The following ZDHHC21 variants were observed in gnomAD, a reference collection of about 807,000 sequenced individuals.
ZDHHC21 encodes the protein palmitoyltransferase ZDHHC21.
ZDHHC21 carries 15 observed loss-of-function variants against 34.6 expected under a neutral mutation model. The observed-to-expected ratio is 0.43, with a 90% CI of 0.29 to 0.67. The LOEUF (loss-of-function observed/expected upper bound fraction) is 0.67. Ranked by LOEUF, ZDHHC21 falls within the 30% of genes least tolerant of loss-of-function variation. The pLI is 0.14. For missense variants in ZDHHC21, 344 were observed against 327.7 expected, an observed-to-expected ratio of 1.05 and a Z score of -0.38; for synonymous variants, 142 against 101.8, an observed-to-expected ratio of 1.40 and a Z score of -2.38.
rs985123360 is a variant in ZDHHC21, at chr9:14,617,567, T to A, written c.*1399A>T. 3.9e-5 allele frequency: 6 copies of A among 152,010 alleles called. No individual in the cohort carries two copies. The highest frequency in any genetic ancestry group is 7.4e-5 in the Non-Finnish European group (5 of 67,928). 9.4% of individuals were successfully genotyped at this position (152,010 alleles called of 1,614,324 possible). A position where few individuals can be genotyped will look rare whatever the true frequency, so the allele number is the denominator to read the frequency against. On this transcript the variant is annotated 3_prime_UTR_variant, in exon 10 of 10. Transcript: ENST00000380916. ...TTATGAACAGTAGACTTTTTCAATC[T>A]TCTCTTCAAGGGAAAGACTGTGAGT...
At chr9:14,687,133 T>C (rs1049915415) in intron 2 of ZDHHC21, among the ~76,000 whole-genome samples, 1 of 150,676 alleles carries the variant, frequency 6.6e-6, no homozygotes, top group African/African-American at 2.5e-5. Context: ...GACTTGAGAG[T>C]GGCTTCCTAA....
chr9:14,662,181 C>T, intron 6 of ZDHHC21, 34 bp downstream of exon 6: 1 of 1,462,290 alleles, frequency 6.8e-7, no homozygotes, highest in South Asian at 1.3e-5. Context: ...ATTACCCACC[C>T]CTCTTTTCTT....
Position 14,615,025 on chromosome 9 carries a change from A to G in ZDHHC21, c.*3941T>C, listed in dbSNP as rs1480525923. On this transcript the variant is annotated 3_prime_UTR_variant, in exon 10 of 10. Transcript: ENST00000380916. ...GAGAAAAGTCCAGAGAGAGACTAGC[A>G]GCTCTATTAATTAGTATTAATGGCA... 1 of 151,712 alleles carries G rather than the reference A, an allele frequency of 6.6e-6. No homozygotes were observed. The highest frequency in any genetic ancestry group is 1.5e-5 in the Non-Finnish European group (1 of 67,724). The allele number at this position is 151,712 out of a possible 1,614,324, so 9.4% of individuals were successfully genotyped here.
At chr9:14,622,494 G>A in intron 8 of ZDHHC21, 5 of 974,766 alleles carry the variant, frequency 5.1e-6, no homozygotes, top group Non-Finnish European at 6.1e-6. Flanking sequence ...CAGGGGGGTG[G>A]GATAAAGAGC....
chr9:14,605,320 T>G, the ZDHHC21 span, among the ~76,000 whole-genome samples: 1 of 152,018 alleles, frequency 6.6e-6, no homozygotes, highest in Non-Finnish European at 1.5e-5. Context: ...ACACCCCTAG[T>G]AACAGTACAT....
At chr9:14,591,472 T>C in the ZDHHC21 span, among the ~76,000 whole-genome samples, 3 of 152,166 alleles carry the variant, frequency 2.0e-5, no homozygotes, top group Non-Finnish European at 4.4e-5. Flanking sequence ...TTCAGAACTA[T>C]AAATACATTT....
At chr9:14,676,000 G>A (rs1286737655) in intron 3 of ZDHHC21, among the ~76,000 whole-genome samples, 1 of 151,938 alleles carries the variant, frequency 6.6e-6, no homozygotes, top group Non-Finnish European at 1.5e-5. Context: ...AGAAATATGG[G>A]CCTATATCAT....
intron 8 of ZDHHC21, among the ~76,000 whole-genome samples, chr9:14,639,024 A>C (rs1356056765): frequency 6.6e-6 from 1 of 152,122 alleles, no homozygotes; most frequent in African/African-American, 2.4e-5. Flanking sequence ...AAGGAAAAAA[A>C]ACAATCAGTA....
chr9:14,674,488 T>C (rs1037997160), intron 3 of ZDHHC21, 103 bp from the exon 4 acceptor site: 6 of 614,144 alleles, frequency 9.8e-6, no homozygotes, highest in Non-Finnish European at 1.6e-5. Context: ...TTTCTTTGCA[T>C]ATTTGACATT....
the ZDHHC21 span, chr9:14,594,176 G>A: frequency 6.6e-6 from 1 of 152,142 alleles, no homozygotes; most frequent in African/African-American, 2.4e-5. Context: ...ACTATGACCT[G>A]GTCACGGTGC....
At chr9:14,596,349 G>A in the ZDHHC21 span, among the ~76,000 whole-genome samples, 1 of 152,244 alleles carries the variant, frequency 6.6e-6, no homozygotes, top group African/African-American at 2.4e-5. Flanking sequence ...CCCCAAGCAA[G>A]CCGCTAGGTT....
chr9:14,634,449 C>G (rs376790238), intron 8 of ZDHHC21, among the ~76,000 whole-genome samples: 2 of 152,168 alleles, frequency 1.3e-5, no homozygotes, highest in South Asian at 4.1e-4. Context: ...CTGGTGCCCA[C>G]GGACAGGCCC....
chr9:14,664,099 G>A (rs904692396), intron 5 of ZDHHC21, among the ~76,000 whole-genome samples: 46 of 152,098 alleles, frequency 3.0e-4, no homozygotes, highest in Non-Finnish European at 6.6e-4. Context: ...CTGAGGTACC[G>A]GGTTCATCTC....
Position 14,616,267 on chromosome 9 carries a change from C to T in ZDHHC21, c.*2699G>A, listed in dbSNP as rs920615480. ...TTTCCAATTCTAAGGAATTACTCTG[C>T]CAAAATAAGGTTTAAAATAAAATAC... On this transcript the variant is annotated 3_prime_UTR_variant, in exon 10 of 10. Transcript: ENST00000380916. 4 of 151,516 alleles carry T rather than the reference C, an allele frequency of 2.6e-5. No homozygotes were observed. 9.4% of individuals were successfully genotyped at this position (151,516 alleles called of 1,614,324 possible). A position where few individuals can be genotyped will look rare whatever the true frequency, so the allele number is the denominator to read the frequency against.
chr9:14,610,627 G>A (rs186335355), downstream of ZDHHC21, among the ~76,000 whole-genome samples: 30 of 151,462 alleles, frequency 2.0e-4, no homozygotes, highest in East Asian at 5.8e-3. Flanking sequence ...GATTTTTTTT[G>A]GCCAACTTCA....
intron 2 of ZDHHC21, among the ~76,000 whole-genome samples, chr9:14,682,622 G>A (rs1016751583): frequency 6.6e-6 from 1 of 152,092 alleles, no homozygotes; most frequent in East Asian, 1.9e-4. Flanking sequence ...GTCAACATTA[G>A]ATCAACGAGA....
chr9:14,619,913 T>C (rs1824990940), intron 8 of ZDHHC21, among the ~76,000 whole-genome samples: 1 of 151,606 alleles, frequency 6.6e-6, no homozygotes, highest in Non-Finnish European at 1.5e-5. Context: ...TACTAAAACC[T>C]CACAAAAATT....
chr9:14,664,245 G>A (rs1329136845), intron 5 of ZDHHC21, among the ~76,000 whole-genome samples: 1 of 152,166 alleles, frequency 6.6e-6, no homozygotes, highest in Non-Finnish European at 1.5e-5. Flanking sequence ...AGAAAGGGGT[G>A]ACGGACGCAC....
intron 5 of ZDHHC21, among the ~76,000 whole-genome samples, chr9:14,665,561 T>C (rs1375325648): frequency 2.7e-5 from 4 of 150,380 alleles, no homozygotes; most frequent in Non-Finnish European, 4.4e-5. Context: ...TTCACCAAAG[T>C]TGAAATGAAG....
Sources: allele counts gnomAD v4.1 joint callset (sites outside exome capture counted in the v4.1 genomes callset), GRCh38; gene constraint gnomAD v4.1.1; transcripts MANE v1.5; gene names NCBI Gene and HGNC (gene_info 2026-07-23, HGNC 2026-07-21).